The following APBA1 variants were observed in gnomAD, a reference collection of about 807,000 sequenced individuals.
APBA1 encodes the protein amyloid beta precursor protein binding family A member 1, also known as amyloid-beta A4 precursor protein-binding family A member 1.
APBA1 carries 55 observed loss-of-function variants against 86.6 expected under a neutral mutation model. That is an observed-to-expected ratio of 0.64 (90% CI 0.51 to 0.80). The LOEUF is 0.80. APBA1 is among the 30% of genes least tolerant of loss of function. The pLI, the probability that APBA1 is intolerant of heterozygous loss-of-function variation, is 0.00. For synonymous variants in APBA1, 511 were observed against 493.9 expected, an observed-to-expected ratio of 1.03 and a Z score of -0.46; for missense variants, 1,090 against 1,183.0, an observed-to-expected ratio of 0.92 and a Z score of 1.15.
At chr9:69,611,723 G>A (rs1360116570) in intron 1 of APBA1, among the ~76,000 whole-genome samples, 1 of 152,134 alleles carries the variant, frequency 6.6e-6, no homozygotes, top group Non-Finnish European at 1.5e-5. Context: ...AATTCTAAAA[G>A]GAAAGCTATA....
rs975975135 is a variant in APBA1 at position 69,459,658 on chromosome 9, C to T, written c.1483-1470G>A. Among the ~76,000 whole-genome samples, 5 of 152,194 alleles carry T rather than the reference C, an allele frequency of 3.3e-5. No homozygotes were observed. In the South Asian group the frequency reaches 6.2e-4, roughly 19 times the overall value. On this transcript the variant is annotated intron_variant, in intron 5 of 12. Transcript: ENST00000265381. ...GACAGCATAGTTGATAAAAGCAGAG[C>T]GTGGGGCTGGATTGTCTAAAACCAA...
chr9:69,531,970 A>T (rs1836440455), intron 1 of APBA1, among the ~76,000 whole-genome samples: 2 of 152,230 alleles, frequency 1.3e-5, no homozygotes, highest in South Asian at 4.1e-4. Flanking sequence ...CTCATACTGC[A>T]AGAATTAAAT....
chr9:69,666,699 A>G (rs1823846790), intron 1 of APBA1, among the ~76,000 whole-genome samples: 1 of 152,220 alleles, frequency 6.6e-6, no homozygotes, highest in African/African-American at 2.4e-5. Context: ...ACATAATCCC[A>G]TAACTCAAGG....
intron 1 of APBA1, among the ~76,000 whole-genome samples, chr9:69,637,303 T>C (rs11139557): frequency 0.47 from 71,262 of 151,962 alleles, 16,911 homozygotes; most frequent in Admixed American, 0.56. Flanking sequence ...TAGTGTTTGA[T>C]AGTACAACAG....
At position 69,458,197 on chromosome 9, in the gene APBA1, C is replaced by T; in HGVS notation, c.1483-9G>A. On this transcript the variant is annotated splice_polypyrimidine_tract_variant and intron_variant, in intron 5 of 12. Coordinates refer to ENST00000265381, the MANE Select transcript of APBA1 (RefSeq NM_001163.4). ...GCTAATTTCTGGGCCATCTGCTTAG[C>T]ATGGAACAAACAGAGACAGGAGAAT... The T allele has an allele frequency of 6.2e-7, 1 of 1,609,238 alleles. No individual in the cohort carries two copies. The highest frequency in any genetic ancestry group is 8.5e-7 in the Non-Finnish European group (1 of 1,178,720).
intron 1 of APBA1, among the ~76,000 whole-genome samples, chr9:69,667,486 A>C (rs1389246852): frequency 6.6e-6 from 1 of 151,330 alleles, no homozygotes; most frequent in Admixed American, 6.6e-5. Flanking sequence ...CTTTGACCTC[A>C]CTTAAAAGAC....
chr9:69,605,587 G>A (rs193200938), intron 1 of APBA1, among the ~76,000 whole-genome samples: 5 of 152,214 alleles, frequency 3.3e-5, no homozygotes, highest in African/African-American at 9.6e-5. Context: ...AGCTTACGTT[G>A]TCATTTGGTC....
rs556966097 is a variant in APBA1 at position 69,600,806 on chromosome 9, T to TAAATAAATAAATA, written c.-70+71346_-70+71347insTATTTATTTATTT. 6.5e-3 allele frequency among the ~76,000 whole-genome samples: 931 copies of TAAATAAATAAATA among 143,722 alleles called. 10 individuals are homozygous for TAAATAAATAAATA. Among genetic ancestry groups the TAAATAAATAAATA allele is most frequent in the African/African-American group, 0.023 (884 of 38,804 alleles). 94.3% of individuals were successfully genotyped at this position (143,722 alleles called of 152,430 possible). A position where few individuals can be genotyped will look rare whatever the true frequency, so the allele number is the denominator to read the frequency against. ...GAGAAGACTTCGTCTCAAAAAATAATAATAAATAAATAAATAAATAAATAA... is the reference window on the plus strand; with the variant it reads ...GAGAAGACTTCGTCTCAAAAAATAATAAATAAATAAATAAATAAATAAATAAATAAATAAATAA... On this transcript the variant is annotated intron_variant, in intron 1 of 12. Coordinates refer to ENST00000265381, the MANE Select transcript of APBA1 (RefSeq NM_001163.4).
chr9:69,548,138 A>G (rs1159854040), intron 1 of APBA1, among the ~76,000 whole-genome samples: 1 of 152,224 alleles, frequency 6.6e-6, no homozygotes, highest in African/African-American at 2.4e-5. Context: ...GACTTGGCAC[A>G]ATCCCCTCTC....
At chr9:69,611,285 G>GAAAAAAAAAAA (rs56357426) in intron 1 of APBA1, among the ~76,000 whole-genome samples, 283 of 110,902 alleles carry the variant, frequency 2.6e-3, no homozygotes, top group African/African-American at 3.3e-3. Flanking sequence ...ACCAGAAAAG[G>GAAAAAAAAAAA]AAAAAAAAAA....
At chr9:69,623,353 T>C (rs1822864356) in intron 1 of APBA1, among the ~76,000 whole-genome samples, 1 of 144,582 alleles carries the variant, frequency 6.9e-6, no homozygotes, top group African/African-American at 2.4e-5. Context: ...GATTTTCTTT[T>C]TTTTCTTTTT....
In APBA1 at chr9:69,672,285, T is replaced by TGCCGCC. The variant is rs974883155; in HGVS notation, c.-208_-203dup. On this transcript the variant is annotated 5_prime_UTR_variant, in exon 1 of 13. Coordinates refer to ENST00000265381, the MANE Select transcript of APBA1 (RefSeq NM_001163.4). Reference sequence around the variant, plus strand: ...CGCCACCATCTTCTCCCGCCGCAGCTGCCGCCGCCGCCGCCGCCGCCGGGA... The same window carrying TGCCGCC: ...CGCCACCATCTTCTCCCGCCGCAGCTGCCGCCGCCGCCGCCGCCGCCGCCGCCGGGA... 8.5e-4 allele frequency: 149 copies of TGCCGCC among 175,510 alleles called. No individual in the cohort carries two copies. The highest frequency in any genetic ancestry group is 2.6e-3 in the African/African-American group (108 of 41,714). 10.9% of individuals were successfully genotyped at this position (175,510 alleles called of 1,614,324 possible).
intron 2 of APBA1, among the ~76,000 whole-genome samples, chr9:69,512,764 A>C (rs1836072479): frequency 6.6e-6 from 1 of 152,210 alleles, no homozygotes; most frequent in African/African-American, 2.4e-5. Flanking sequence ...AAATAAAATG[A>C]AACAACCAGA....
chr9:69,511,465 A>G (rs1441191751), intron 2 of APBA1, among the ~76,000 whole-genome samples: 2 of 152,126 alleles, frequency 1.3e-5, no homozygotes, highest in African/African-American at 4.8e-5. Context: ...ACACTTTTAC[A>G]CTGTTGGTGG....
At chr9:69,537,829 G>C (rs73647248) in intron 1 of APBA1, among the ~76,000 whole-genome samples, 2,190 of 151,854 alleles carry the variant, frequency 0.014, 60 homozygotes, top group African/African-American at 0.05. Context: ...AACATTAAGG[G>C]TATTAACTTT....
chr9:69,447,017 G>A (rs1020603962), intron 10 of APBA1, among the ~76,000 whole-genome samples: 5 of 152,148 alleles, frequency 3.3e-5, no homozygotes, highest in East Asian at 1.9e-4. Context: ...GGAAGTCTGA[G>A]CTCAGCGTAC....
At chr9:69,568,842 GA>G (rs1837071314) in intron 1 of APBA1, among the ~76,000 whole-genome samples, 2 of 152,146 alleles carry the variant, frequency 1.3e-5, no homozygotes, top group South Asian at 4.1e-4. Context: ...ATGATGTGGG[GA>G]AAAAGTTTAG....
At chr9:69,513,607 G>A (rs560345350) in intron 2 of APBA1, among the ~76,000 whole-genome samples, 312 of 152,348 alleles carry the variant, frequency 2.0e-3, no homozygotes, top group Non-Finnish European at 3.6e-3. Context: ...CTACACGTGA[G>A]TGCACTTATT....
At chr9:69,458,097 CAG>C in intron 6 of APBA1, 57 bp downstream of exon 6, 2 of 1,490,626 alleles carry the variant, frequency 1.3e-6, no homozygotes, top group African/African-American at 1.4e-5. Flanking sequence ...AAAGGTAAAA[CAG>C]AAACGAATGA....
Sources: allele counts gnomAD v4.1 joint callset (sites outside exome capture counted in the v4.1 genomes callset), GRCh38; gene constraint gnomAD v4.1.1; transcripts MANE v1.5; gene names NCBI Gene and HGNC (gene_info 2026-07-23, HGNC 2026-07-21).